The following PCSK2 variants were observed in gnomAD, a reference collection of about 807,000 sequenced individuals.
PCSK2 encodes neuroendocrine convertase 2.
Under a neutral mutation model 69.7 loss-of-function variants are expected in PCSK2, and 14 were observed. That is an observed-to-expected ratio of 0.20 (90% confidence interval 0.13 to 0.31). The LOEUF (loss-of-function observed/expected upper bound fraction) is 0.31, where lower values mean the gene tolerates loss of function less well. Among genes scored for constraint, PCSK2 ranks in the 10% least tolerant of loss-of-function variants. PCSK2 has a pLI of 1.00. For synonymous variants in PCSK2, 307 were observed against 320.7 expected, an observed-to-expected ratio of 0.96 and a Z score of 0.46; for missense variants, 544 against 842.5, an observed-to-expected ratio of 0.65 and a Z score of 4.39.
chr20:17,399,203 T>C (rs16999083), intron 5 of PCSK2, among the ~76,000 whole-genome samples: 1,645 of 152,314 alleles, frequency 0.011, 28 homozygotes, highest in African/African-American at 0.037. Flanking sequence ...CTCTTTCAAA[T>C]ACCCCATAGA....
intron 11 of PCSK2, among the ~76,000 whole-genome samples, chr20:17,465,863 C>T (rs964776206): frequency 5.3e-5 from 8 of 151,992 alleles, no homozygotes; most frequent in Admixed American, 1.3e-4. Flanking sequence ...GAGACAAAGC[C>T]TCACTATGTT....
chr20:17,432,998 A>G (rs2032400332), intron 7 of PCSK2, among the ~76,000 whole-genome samples: 2 of 152,190 alleles, frequency 1.3e-5, no homozygotes, highest in African/African-American at 2.4e-5. Flanking sequence ...GTGGGGCTCT[A>G]CAGTTCCTCA....
At position 17,422,869 on chromosome 20, in the gene PCSK2, A is replaced by G. The variant is rs1568643104; in HGVS notation, c.621-6566A>G. On this transcript the variant is annotated intron_variant, in intron 6 of 11. Transcript: ENST00000262545. ...TAATATATGATTAAGATAGCAATAA[A>G]AACAATAAGGAAATGATGGAGTGAA... 1.3e-5 allele frequency among the ~76,000 whole-genome samples: 2 copies of G among 152,198 alleles called. 1 individual carries two copies. Among genetic ancestry groups the G allele is most frequent in the Non-Finnish European group, 2.9e-5 (2 of 68,036 alleles).
In PCSK2 at chr20:17,235,016, G is replaced by A. The variant is rs75739383; in HGVS notation, c.177+7534G>A. On this transcript the variant is annotated intron_variant, in intron 1 of 11. Transcript: ENST00000262545. ...ATTTATTTAGCTAAAGTCCACAAGT[G>A]ATTAAGAAGTCAAGAAATTACATCT... Among the ~76,000 whole-genome samples, 81 of 152,248 alleles carry A rather than the reference G, an allele frequency of 5.3e-4. No individual in the cohort carries two copies. In the East Asian group the frequency reaches 0.013, roughly 25 times the overall value.
intron 2 of PCSK2, among the ~76,000 whole-genome samples, chr20:17,278,882 T>A (rs931615456): frequency 2.0e-5 from 3 of 151,512 alleles, no homozygotes; most frequent in Non-Finnish European, 2.9e-5. Flanking sequence ...CTTTCCTATC[T>A]CCTTATGTCT....
intron 6 of PCSK2, among the ~76,000 whole-genome samples, chr20:17,421,260 C>T (rs1339919671): frequency 6.6e-6 from 1 of 152,198 alleles, no homozygotes; most frequent in Non-Finnish European, 1.5e-5. Context: ...GAGGAGTCTG[C>T]TCACTTCTCC....
At chr20:17,451,987 C>T (rs1363242854) in intron 8 of PCSK2, among the ~76,000 whole-genome samples, 2 of 143,286 alleles carry the variant, frequency 1.4e-5, no homozygotes, top group Non-Finnish European at 3.0e-5. Context: ...GGCACAATCT[C>T]GGCTCACTGC....
intron 2 of PCSK2, 31 bp from the exon 3 acceptor site, chr20:17,358,295 AT>A: frequency 8.6e-7 from 1 of 1,165,314 alleles, no homozygotes. Context: ...TTCAGATTAT[AT>A]TCAGGTAATA....
chr20:17,466,116 A>C (rs2033096717), intron 11 of PCSK2, among the ~76,000 whole-genome samples: 1 of 152,246 alleles, frequency 6.6e-6, no homozygotes, highest in Admixed American at 6.5e-5. Context: ...TTCTAAGGGC[A>C]CAAATCAACC....
chr20:17,244,403 AG>A (rs1986696611), intron 1 of PCSK2, among the ~76,000 whole-genome samples: 1 of 152,200 alleles, frequency 6.6e-6, no homozygotes. Context: ...CTGCCACTAT[AG>A]AGCAGTGTGA....
At chr20:17,300,502 G>A (rs16998915) in intron 2 of PCSK2, among the ~76,000 whole-genome samples, 3,286 of 152,302 alleles carry the variant, frequency 0.022, 122 homozygotes, top group African/African-American at 0.075. Flanking sequence ...CTGATTTACA[G>A]CCCAAGTATA....
intron 2 of PCSK2, among the ~76,000 whole-genome samples, chr20:17,308,149 C>T (rs1199892686): frequency 6.6e-6 from 1 of 151,478 alleles, no homozygotes; most frequent in Non-Finnish European, 1.5e-5. Flanking sequence ...TTTTAAACAA[C>T]GAGATCTCAC....
At chr20:17,450,848 T>C (rs1006491818) in intron 8 of PCSK2, among the ~76,000 whole-genome samples, 6 of 152,128 alleles carry the variant, frequency 3.9e-5, no homozygotes, top group African/African-American at 1.2e-4. Context: ...CTTAAGACTA[T>C]CATGTTGTGT....
intron 5 of PCSK2, among the ~76,000 whole-genome samples, chr20:17,382,854 G>A (rs2031126134): frequency 6.6e-6 from 1 of 152,118 alleles, no homozygotes. Context: ...CGATGAACCA[G>A]ACTCTACAAT....
chr20:17,267,513 C>A (rs1167755838), intron 2 of PCSK2, among the ~76,000 whole-genome samples: 1 of 152,160 alleles, frequency 6.6e-6, no homozygotes, highest in African/African-American at 2.4e-5. Flanking sequence ...CTGGGCATTG[C>A]AGATATGCCT....
rs8123239 is a variant in PCSK2, at chr20:17,379,341, G to A, written c.543+10064G>A. 3.7e-3 allele frequency among the ~76,000 whole-genome samples: 570 copies of A among 152,362 alleles called. 3 individuals are homozygous for A. The highest frequency in any genetic ancestry group is 0.013 in the African/African-American group (546 of 41,592). ...ACATGGGATCATTGCCTGGGCAAAT[G>A]TGGATCTGATGGAGACCAAACGTCT... is the stretch of plus-strand genomic sequence containing the variant. On this transcript the variant is annotated intron_variant, in intron 5 of 11. Coordinates refer to ENST00000262545, the MANE Select transcript of PCSK2 (RefSeq NM_002594.5).
chr20:17,277,741 C>G (rs1461821473), intron 2 of PCSK2, among the ~76,000 whole-genome samples: 1 of 151,798 alleles, frequency 6.6e-6, no homozygotes, highest in African/African-American at 2.4e-5. Flanking sequence ...AACTAAAGAG[C>G]TTCTGCACAG....
At chr20:17,456,316 A>T in intron 9 of PCSK2, 32 bp from the exon 10 acceptor site, 1 of 1,174,840 alleles carries the variant, frequency 8.5e-7, no homozygotes, top group Non-Finnish European at 1.3e-6. Context: ...AGCGTGATTT[A>T]TCCACTCATT....
intron 5 of PCSK2, among the ~76,000 whole-genome samples, chr20:17,385,564 CT>C (rs2123261347): frequency 6.6e-6 from 1 of 152,302 alleles, no homozygotes; most frequent in African/African-American, 2.4e-5. Flanking sequence ...AGTGATGCTC[CT>C]TTTCCATGCA....
Sources: gnomAD v4.1 joint callset for allele counts (sites outside exome capture counted in the v4.1 genomes callset) on GRCh38, gnomAD v4.1.1 for gene constraint, MANE v1.5 for transcripts, NCBI Gene and HGNC (gene_info 2026-07-23, HGNC 2026-07-21) for gene names.